The following NELL1 variants were observed in gnomAD, a reference collection of about 807,000 sequenced individuals.
NELL1 encodes protein kinase C-binding protein NELL1.
NELL1 carries 76 observed loss-of-function variants against 107.4 expected under a neutral mutation model. The observed-to-expected ratio is 0.71, with a 90% CI of 0.59 to 0.86. The LOEUF is 0.86. Among genes scored for constraint, NELL1 ranks in the 40% least tolerant of loss-of-function variants. The probability of loss-of-function intolerance (pLI) is 0.00; values close to 1 mark genes in which losing one functional copy is unlikely to be tolerated. For missense variants in NELL1, 1,024 were observed against 1,005.5 expected (o/e 1.02, Z -0.25); for synonymous variants, 353 against 341.2 (o/e 1.03, Z -0.38).
chr11:21,200,459 T>C (rs142409377), intron 13 of NELL1, among the ~76,000 whole-genome samples: 1 of 152,160 alleles, frequency 6.6e-6, no homozygotes, highest in Non-Finnish European at 1.5e-5. Flanking sequence ...GAAGTGTCTG[T>C]TCATATCCTT....
At chr11:21,060,960 C>T (rs1266452687) in intron 12 of NELL1, among the ~76,000 whole-genome samples, 2 of 152,192 alleles carry the variant, frequency 1.3e-5, no homozygotes, top group African/African-American at 4.8e-5. Context: ...AGGACTTGAA[C>T]TCCTGACCCC....
At chr11:20,730,059 C>T (rs771856920) in intron 2 of NELL1, among the ~76,000 whole-genome samples, 6 of 152,192 alleles carry the variant, frequency 3.9e-5, no homozygotes, top group Admixed American at 1.3e-4. Context: ...ACCTTAGACA[C>T]AGCTTCCCCG....
intron 12 of NELL1, among the ~76,000 whole-genome samples, chr11:21,107,280 C>T (rs1187160689): frequency 6.6e-6 from 1 of 152,044 alleles, no homozygotes; most frequent in African/African-American, 2.4e-5. Flanking sequence ...TGCCCTAAAA[C>T]CTCACTGGAT....
intron 14 of NELL1, among the ~76,000 whole-genome samples, chr11:21,316,427 GATA>G (rs2133656994): frequency 6.6e-6 from 1 of 152,242 alleles, no homozygotes; most frequent in East Asian, 1.9e-4. Context: ...TCACTCAAAG[GATA>G]ATATCACTGC....
At chr11:21,087,054 T>C (rs1288916485) in intron 12 of NELL1, among the ~76,000 whole-genome samples, 1 of 152,130 alleles carries the variant, frequency 6.6e-6, no homozygotes, top group African/African-American at 2.4e-5. Flanking sequence ...TTAGCCAGGA[T>C]GGTCTCGATC....
rs976661103 is a variant in NELL1, at chr11:21,368,262, C to T, written c.1550-2591C>T. Among the ~76,000 whole-genome samples, 4 of 151,438 alleles carry T rather than the reference C, an allele frequency of 2.6e-5. No homozygotes were observed. The South Asian group carries it at 6.2e-4, about 24-fold the overall frequency. ...CTAGATTGGGAGAAATGTGACTAGT[C>T]TCAGGCAAAAATAGAAATTAGATAA... On this transcript the variant is annotated intron_variant, in intron 14 of 19. Transcript: ENST00000357134.
At chr11:20,943,607 A>G (rs1480322611) in intron 10 of NELL1, among the ~76,000 whole-genome samples, 3 of 152,056 alleles carry the variant, frequency 2.0e-5, no homozygotes, top group Admixed American at 2.0e-4. Flanking sequence ...CAAAACAAAA[A>G]ACCATATTTA....
chr11:21,099,808 CAG>C (rs1424812517), intron 12 of NELL1, among the ~76,000 whole-genome samples: 1 of 152,090 alleles, frequency 6.6e-6, no homozygotes, highest in Non-Finnish European at 1.5e-5. Flanking sequence ...TTCAGCTACT[CAG>C]GGGCATGCCT....
intron 13 of NELL1, among the ~76,000 whole-genome samples, chr11:21,180,080 C>T (rs921809689): frequency 8.8e-5 from 4 of 45,434 alleles, no homozygotes; most frequent in Admixed American, 2.9e-4. Context: ...GCAGGGTGGG[C>T]GGGGGGCTCT....
intron 12 of NELL1, among the ~76,000 whole-genome samples, chr11:21,051,572 A>G (rs1041334792): frequency 1.3e-5 from 2 of 152,148 alleles, no homozygotes; most frequent in Admixed American, 6.6e-5. Flanking sequence ...AATAATAATA[A>G]TAATAAAAGA....
At chr11:20,990,689 C>T (rs1186265246) in intron 12 of NELL1, among the ~76,000 whole-genome samples, 1 of 152,324 alleles carries the variant, frequency 6.6e-6, no homozygotes, top group Middle Eastern at 3.4e-3. Context: ...ATTATCCTTT[C>T]TCCCTGAGCT....
At chr11:21,465,721 A>G (rs1854012983) in intron 15 of NELL1, among the ~76,000 whole-genome samples, 1 of 152,098 alleles carries the variant, frequency 6.6e-6, no homozygotes, top group Non-Finnish European at 1.5e-5. Flanking sequence ...AATAAAATCC[A>G]GGCAAAAGCT....
intron 11 of NELL1, among the ~76,000 whole-genome samples, chr11:20,955,286 T>C (rs1483402457): frequency 6.6e-6 from 1 of 152,226 alleles, no homozygotes; most frequent in African/African-American, 2.4e-5. Context: ...AATCACCAGT[T>C]AACAGGTCAT....
At chr11:21,171,770 C>T (rs1158496437) in intron 13 of NELL1, among the ~76,000 whole-genome samples, 1 of 151,726 alleles carries the variant, frequency 6.6e-6, no homozygotes, top group East Asian at 1.9e-4. Context: ...TACTACAGTG[C>T]TCTTCTGGGG....
intron 15 of NELL1, among the ~76,000 whole-genome samples, chr11:21,458,025 G>A (rs61494052): frequency 0.03 from 4,573 of 151,696 alleles, 226 homozygotes; most frequent in African/African-American, 0.1. Flanking sequence ...ATCAGGTGAT[G>A]GAGACCAAGG....
intron 12 of NELL1, among the ~76,000 whole-genome samples, chr11:21,076,825 C>G (rs1250892032): frequency 6.6e-6 from 1 of 152,086 alleles, no homozygotes; most frequent in Non-Finnish European, 1.5e-5. Context: ...CCATCTTTCT[C>G]TCTCTCTGCT....
At chr11:20,749,277 C>T (rs561681015) in intron 2 of NELL1, among the ~76,000 whole-genome samples, 73 of 152,068 alleles carry the variant, frequency 4.8e-4, no homozygotes, top group African/African-American at 1.7e-3. Context: ...CAAAAAAGTT[C>T]AATGTTTTCA....
At chr11:20,800,435 T>G (rs546564786) in intron 3 of NELL1, among the ~76,000 whole-genome samples, 1 of 152,348 alleles carries the variant, frequency 6.6e-6, no homozygotes, top group East Asian at 1.9e-4. Context: ...GATTTTTCAC[T>G]TCTCTGATTA....
intron 14 of NELL1, among the ~76,000 whole-genome samples, chr11:21,232,159 A>ATATATAT (rs1270859097): frequency 1.6e-4 from 12 of 73,194 alleles, no homozygotes; most frequent in East Asian, 4.0e-4. Flanking sequence ...AAAAAAAAAA[A>ATATATAT]ATATATATAT....
Sources: allele counts gnomAD v4.1 joint callset (sites outside exome capture counted in the v4.1 genomes callset), GRCh38; gene constraint gnomAD v4.1.1; transcripts MANE v1.5; gene names NCBI Gene and HGNC (gene_info 2026-07-23, HGNC 2026-07-21).